The following CDC14A variants were observed in gnomAD, a reference collection of about 807,000 sequenced individuals.
CDC14A encodes the protein cell division cycle 14A.
A neutral mutation model predicts 74.4 loss-of-function variants in CDC14A; 53 were observed. The observed-to-expected ratio is 0.71, with a 90% CI of 0.57 to 0.89. The LOEUF (loss-of-function observed/expected upper bound fraction) is 0.89, where lower values mean the gene tolerates loss of function less well. Ranked by LOEUF, CDC14A falls within the 40% of genes least tolerant of loss-of-function variation. CDC14A has a pLI of 0.00. For missense variants in CDC14A, 646 were observed against 713.7 expected, an observed-to-expected ratio of 0.91 and a Z score of 1.08; for synonymous variants, 247 against 258.4, an observed-to-expected ratio of 0.96 and a Z score of 0.43.
intron 10 of CDC14A, among the ~76,000 whole-genome samples, chr1:100,470,208 T>A (rs1668256602): frequency 6.6e-6 from 1 of 152,136 alleles, no homozygotes; most frequent in Non-Finnish European, 1.5e-5. Context: ...AATTATATGA[T>A]TATCCCAATA....
intron 4 of CDC14A, chr1:100,393,667 G>A: frequency 1.9e-6 from 1 of 528,136 alleles, no homozygotes; most frequent in South Asian, 1.7e-5. Context: ...GGATCAAGTG[G>A]TCAATATCAA....
rs538090377 is a variant in CDC14A at position 100,467,944 on chromosome 1, A to G, written c.839-12A>G. Reference sequence around the variant, plus strand: ...GACTTTATATTTCTTATTCTGTTTCATTCTCTTACAGCTGGTCTTGGAAGA... The same window carrying G: ...GACTTTATATTTCTTATTCTGTTTCGTTCTCTTACAGCTGGTCTTGGAAGA... On this transcript the variant is annotated splice_polypyrimidine_tract_variant and intron_variant, in intron 9 of 15. Coordinates refer to ENST00000336454, the MANE Select transcript of CDC14A (RefSeq NM_003672.4). The G allele has an allele frequency of 1.6e-5, 25 of 1,573,420 alleles. No individual in the cohort carries two copies. Among genetic ancestry groups the G allele is most frequent in the South Asian group, 2.4e-5 (2 of 83,962 alleles).
intron 15 of CDC14A, among the ~76,000 whole-genome samples, chr1:100,504,211 CTT>C (rs770354900): frequency 5.0e-4 from 76 of 152,154 alleles, no homozygotes; most frequent in Non-Finnish European, 6.9e-4. Flanking sequence ...ATAAGTGAAA[CTT>C]ATTATAGCCT....
At chr1:100,436,355 G>A (rs1664340510) in intron 5 of CDC14A, among the ~76,000 whole-genome samples, 1 of 152,058 alleles carries the variant, frequency 6.6e-6, no homozygotes, top group African/African-American at 2.4e-5. Context: ...TCACTTCCAG[G>A]AGAACACAGT....
chr1:100,420,061 CACATAT>C (rs1293053676), intron 4 of CDC14A, among the ~76,000 whole-genome samples: 3 of 61,748 alleles, frequency 4.9e-5, no homozygotes, highest in African/African-American at 1.2e-4. Context: ...CACACACACA[CACATAT>C]ATATATATAT....
chr1:100,483,781 T>G (rs978634889), intron 10 of CDC14A, among the ~76,000 whole-genome samples: 1 of 152,162 alleles, frequency 6.6e-6, no homozygotes, highest in Non-Finnish European at 1.5e-5. Flanking sequence ...GCTTTTAGAT[T>G]CTAAGAGTAG....
chr1:100,390,853 A>T (rs753571855), intron 4 of CDC14A, 29 bp downstream of exon 4: 5 of 1,493,706 alleles, frequency 3.3e-6, no homozygotes, highest in Non-Finnish European at 4.7e-6. Context: ...ATTATTTTCT[A>T]TAATCAGGCC....
intron 5 of CDC14A, among the ~76,000 whole-genome samples, chr1:100,434,371 T>C (rs1664070505): frequency 6.6e-6 from 1 of 152,174 alleles, no homozygotes; most frequent in Admixed American, 6.5e-5. Flanking sequence ...TCAGGGAAGA[T>C]GGGGCCAGAT....
At chr1:100,476,824 A>G (rs947078275) in intron 10 of CDC14A, among the ~76,000 whole-genome samples, 5 of 152,132 alleles carry the variant, frequency 3.3e-5, no homozygotes, top group African/African-American at 1.2e-4. Context: ...ACCAGCTGTG[A>G]ATGTTACTGT....
intron 15 of CDC14A, among the ~76,000 whole-genome samples, chr1:100,510,510 C>G (rs1180384746): frequency 1.3e-5 from 2 of 152,178 alleles, no homozygotes; most frequent in Non-Finnish European, 2.9e-5. Context: ...CCCCCTCCTC[C>G]TAACTCTGCT....
chr1:100,474,609 G>GT (rs35293583), intron 10 of CDC14A, among the ~76,000 whole-genome samples: 135,417 of 146,256 alleles, frequency 0.93, 63,198 homozygotes, highest in Non-Finnish European at 0.99. Flanking sequence ...TGTGGAGTGT[G>GT]TTTTTTTTTT....
chr1:100,518,131 T>C, intron 15 of CDC14A, 120 bp from the exon 16 acceptor site: 1 of 638,336 alleles, frequency 1.6e-6, no homozygotes, highest in Non-Finnish European at 2.8e-6. Context: ...GTTTCTGTTT[T>C]GGCTTAGTTT....
At chr1:100,363,610 TTC>T (rs1049696702) in intron 2 of CDC14A, among the ~76,000 whole-genome samples, 1 of 146,224 alleles carries the variant, frequency 6.8e-6, no homozygotes, top group African/African-American at 2.8e-5. Context: ...CAGTTTAGAC[TTC>T]TCTTTTTTTT....
chr1:100,473,220 T>G (rs1464225454), intron 10 of CDC14A, among the ~76,000 whole-genome samples: 2 of 152,150 alleles, frequency 1.3e-5, no homozygotes, highest in Non-Finnish European at 2.9e-5. Context: ...TTCATTTATT[T>G]AGATCTTCTT....
chr1:100,472,768 CTT>C (rs531436080), intron 10 of CDC14A, among the ~76,000 whole-genome samples: 1 of 150,282 alleles, frequency 6.7e-6, no homozygotes. Flanking sequence ...GGTCAAGCTT[CTT>C]TTTTTTTGGC....
intron 2 of CDC14A, among the ~76,000 whole-genome samples, chr1:100,373,776 C>G (rs1557691046): frequency 6.6e-6 from 1 of 151,234 alleles, no homozygotes; most frequent in Non-Finnish European, 1.5e-5. Flanking sequence ...ACTTTTATTT[C>G]AAATCACTGC....
chr1:100,401,765 ACG>A (rs1659286708), intron 4 of CDC14A, among the ~76,000 whole-genome samples: 1 of 152,124 alleles, frequency 6.6e-6, no homozygotes. Flanking sequence ...GGGGCCGGCC[ACG>A]GTGGCTCATG....
At chr1:100,415,500 A>T (rs748366851) in intron 4 of CDC14A, among the ~76,000 whole-genome samples, 9 of 152,304 alleles carry the variant, frequency 5.9e-5, no homozygotes, top group Admixed American at 3.9e-4. Context: ...CTTAACTTCT[A>T]TGATTAGCCT....
intron 15 of CDC14A, among the ~76,000 whole-genome samples, chr1:100,506,104 A>G (rs993867776): frequency 6.6e-6 from 1 of 152,122 alleles, no homozygotes. Context: ...CACCTCCAAC[A>G]CTGGAGTCAC....
Sources: gnomAD v4.1 joint callset for allele counts (sites outside exome capture counted in the v4.1 genomes callset) on GRCh38, gnomAD v4.1.1 for gene constraint, MANE v1.5 for transcripts, NCBI Gene and HGNC (gene_info 2026-07-23, HGNC 2026-07-21) for gene names.